STON2: variants seen among roughly 807,000 people sequenced by gnomAD.
STON2 encodes the protein stonin-2.
STON2 carries 29 observed loss-of-function variants against 65.7 expected under a neutral mutation model. That is an observed-to-expected ratio of 0.44 (90% confidence interval 0.33 to 0.60). STON2 has a LOEUF of 0.60. STON2 is among the 20% of genes least tolerant of loss of function. The pLI is 0.03. For synonymous variants in STON2, 404 were observed against 414.2 expected, an observed-to-expected ratio of 0.98 and a Z score of 0.30; for missense variants, 1,054 against 1,118.1, an observed-to-expected ratio of 0.94 and a Z score of 0.82.
chr14:81,374,930 C>T (rs537349460), intron 3 of STON2, among the ~76,000 whole-genome samples: 2 of 152,152 alleles, frequency 1.3e-5, no homozygotes, highest in East Asian at 3.9e-4. Flanking sequence ...CAAATAGACA[C>T]CAAAAATACA....
intron 4 of STON2, among the ~76,000 whole-genome samples, chr14:81,362,111 T>C (rs1356292996): frequency 6.6e-6 from 1 of 152,124 alleles, no homozygotes; most frequent in Non-Finnish European, 1.5e-5. Flanking sequence ...TATGATATGA[T>C]CCAGCAATCC....
In STON2 at chr14:81,262,656, T is replaced by C. The variant is rs1433684343; in HGVS notation, c.*5758A>G. 9 of 985,288 alleles carry C rather than the reference T, an allele frequency of 9.1e-6. No homozygotes were observed. The highest frequency in any genetic ancestry group is 1.7e-5 in the African/African-American group (1 of 57,260). 61.0% of individuals were successfully genotyped at this position (985,288 alleles called of 1,614,324 possible). On this transcript the variant is annotated 3_prime_UTR_variant, in exon 8 of 8. Transcript: ENST00000614646. ...GCACTACCAAACTCATTACTGTGGA[T>C]AGTTTCTGCCTTTACAGGCTTAGAA...
At chr14:81,415,775 G>T (rs1388207210) in intron 2 of STON2, among the ~76,000 whole-genome samples, 1 of 151,724 alleles carries the variant, frequency 6.6e-6, no homozygotes. Context: ...TACACTTAAG[G>T]TTTTAATTTG....
intron 5 of STON2, among the ~76,000 whole-genome samples, chr14:81,282,754 A>C (rs1895176353): frequency 6.6e-6 from 1 of 152,178 alleles, no homozygotes; most frequent in East Asian, 1.9e-4. Context: ...TATTACTACT[A>C]ATTAGCCTTA....
chr14:81,337,304 G>A (rs1430177374), intron 4 of STON2, among the ~76,000 whole-genome samples: 5 of 152,192 alleles, frequency 3.3e-5, no homozygotes, highest in Non-Finnish European at 7.3e-5. Flanking sequence ...ACAGATTACA[G>A]TGTAATGTGG....
rs544208256 is a variant in STON2, at chr14:81,293,006, T to C, written c.743-14267A>G. Among the ~76,000 whole-genome samples, 21 of 152,308 alleles carry C rather than the reference T, an allele frequency of 1.4e-4. No individual in the cohort carries two copies. The South Asian group carries it at 2.1e-3, about 15-fold the overall frequency. ...CTCCCCCGTCTTGCTCAAGTCTTCATTGACTGTCAACCAAGGTGCACCATC... is the reference window on the plus strand; with the variant it reads ...CTCCCCCGTCTTGCTCAAGTCTTCACTGACTGTCAACCAAGGTGCACCATC... On this transcript the variant is annotated intron_variant, in intron 5 of 7. Transcript: ENST00000614646.
chr14:81,308,201 A>G (rs1317089422), intron 5 of STON2, among the ~76,000 whole-genome samples: 1 of 152,032 alleles, frequency 6.6e-6, no homozygotes, highest in East Asian at 1.9e-4. Context: ...TCAGACTCAG[A>G]AATTATTATT....
chr14:81,331,386 C>G (rs2140268471), intron 4 of STON2, among the ~76,000 whole-genome samples: 1 of 152,254 alleles, frequency 6.6e-6, no homozygotes, highest in Non-Finnish European at 1.5e-5. Flanking sequence ...GGGGGTTGGA[C>G]CAACCCCATT....
chr14:81,324,657 T>A (rs776168325), intron 4 of STON2, among the ~76,000 whole-genome samples: 68 of 152,322 alleles, frequency 4.5e-4, no homozygotes, highest in Middle Eastern at 3.4e-3. Flanking sequence ...GAAACAGGAT[T>A]CTCAACAGTC....
chr14:81,331,583 C>T (rs551165258), intron 4 of STON2, among the ~76,000 whole-genome samples: 1 of 152,304 alleles, frequency 6.6e-6, no homozygotes, highest in South Asian at 2.1e-4. Flanking sequence ...TCATCCACTG[C>T]CCACCAATAC....
chr14:81,377,005 T>A (rs1899282390), intron 3 of STON2, among the ~76,000 whole-genome samples: 2 of 152,186 alleles, frequency 1.3e-5, no homozygotes, highest in Non-Finnish European at 2.9e-5. Context: ...TCCCCAGTTT[T>A]ACATGTACGT....
At chr14:81,415,198 A>G (rs997497776) in intron 2 of STON2, among the ~76,000 whole-genome samples, 2 of 152,100 alleles carry the variant, frequency 1.3e-5, no homozygotes, top group Non-Finnish European at 2.9e-5. Flanking sequence ...TTGCCATCCT[A>G]TAGATGAGGT....
chr14:81,426,742 C>CA (rs1231150760), intron 2 of STON2, among the ~76,000 whole-genome samples: 3 of 152,142 alleles, frequency 2.0e-5, no homozygotes, highest in African/African-American at 7.2e-5. Context: ...GTTCATTTTA[C>CA]AAAAAGGCAG....
intron 5 of STON2, among the ~76,000 whole-genome samples, chr14:81,280,676 C>G (rs573804946): frequency 6.6e-6 from 1 of 152,132 alleles, no homozygotes; most frequent in Non-Finnish European, 1.5e-5. Flanking sequence ...GTAATTTATT[C>G]AAACAGATAG....
chr14:81,365,953 T>C (rs929724019), intron 4 of STON2, among the ~76,000 whole-genome samples: 4 of 152,176 alleles, frequency 2.6e-5, no homozygotes, highest in Non-Finnish European at 4.4e-5. Flanking sequence ...AGAGCTACCC[T>C]GACTGGTGAA....
chr14:81,390,169 G>A (rs901460348), intron 3 of STON2, among the ~76,000 whole-genome samples: 2 of 149,972 alleles, frequency 1.3e-5, no homozygotes, highest in Non-Finnish European at 3.0e-5. Context: ...ACTCCAGCCT[G>A]AGTGACAGAG....
At chr14:81,324,215 A>G (rs943267604) in intron 4 of STON2, among the ~76,000 whole-genome samples, 28 bp from the exon 5 acceptor site, 2 of 152,176 alleles carry the variant, frequency 1.3e-5, no homozygotes, top group African/African-American at 4.8e-5. Context: ...AGATGAAAAA[A>G]AAATGTGCAG....
chr14:81,295,079 C>T (rs984235405), intron 5 of STON2, among the ~76,000 whole-genome samples: 1 of 152,186 alleles, frequency 6.6e-6, no homozygotes, highest in Admixed American at 6.5e-5. Flanking sequence ...AATCCCAACA[C>T]TTTAGGAGGC....
rs752667127 is a variant in STON2, at chr14:81,277,915, C to T, written c.1567G>A (p.Gly523Ser). 1 of 1,614,110 alleles carries T rather than the reference C, an allele frequency of 6.2e-7. No homozygotes were observed. The highest frequency in any genetic ancestry group is 1.3e-5 in the African/African-American group (1 of 74,996). Reference protein sequence around the residue: ...TGYLQLYYEQGLEKPFREFKL... With the variant: ...TGYLQLYYEQSLEKPFREFKL... ...AACTCACGGAATGGTTTTTCTAGGCCCTGCTCATAATACAGCTGCAGGTAA... is the reference window on the plus strand; with the variant it reads ...AACTCACGGAATGGTTTTTCTAGGCTCTGCTCATAATACAGCTGCAGGTAA... The change falls in exon 6 of 8, where the codon GGC (glycine) becomes AGC (serine). Residue 523 changes from glycine to serine, a missense_variant. Coordinates refer to ENST00000614646, the MANE Select transcript of STON2 (RefSeq NM_001394390.1).
Sources: allele counts gnomAD v4.1 joint callset (sites outside exome capture counted in the v4.1 genomes callset), GRCh38; gene constraint gnomAD v4.1.1; transcripts MANE v1.5; gene names NCBI Gene and HGNC (gene_info 2026-07-23, HGNC 2026-07-21).